The following PCDHA7 variants were observed in gnomAD, a reference collection of about 807,000 sequenced individuals.
PCDHA7 encodes the protein protocadherin alpha 7.
A neutral mutation model predicts 57.2 loss-of-function variants in PCDHA7; 37 were observed. The ratio of observed to expected loss-of-function variants is 0.65; its 90% CI spans 0.50 to 0.85. The LOEUF (loss-of-function observed/expected upper bound fraction) is 0.85, where lower values mean the gene tolerates loss of function less well. PCDHA7 is among the 40% of genes least tolerant of loss of function. The pLI is 0.00. For missense variants in PCDHA7, 1,188 were observed against 1,241.8 expected (o/e 0.96, Z 0.65); for synonymous variants, 553 against 558.8 (o/e 0.99, Z 0.15).
At chr5:140,946,871 A>G (rs952595827) in intron 1 of PCDHA7, among the ~76,000 whole-genome samples, 8 of 151,442 alleles carry the variant, frequency 5.3e-5, no homozygotes, top group Non-Finnish European at 8.9e-5. Flanking sequence ...AGGTTGGTCA[A>G]TGGGTACGAA....
At chr5:140,972,750 G>A (rs2096554223) in intron 1 of PCDHA7, among the ~76,000 whole-genome samples, 2 of 143,042 alleles carry the variant, frequency 1.4e-5, no homozygotes, top group South Asian at 2.2e-4. Context: ...TGCAACCTCC[G>A]CCTCCCAAGT....
chr5:141,008,872 A>C (rs1174901625), intron 3 of PCDHA7, among the ~76,000 whole-genome samples: 1 of 152,140 alleles, frequency 6.6e-6, no homozygotes, highest in Non-Finnish European at 1.5e-5. Context: ...GCTGCATCCC[A>C]CCACCCTTCA....
chr5:140,873,518 A>G (rs2054336624), intron 1 of PCDHA7, among the ~76,000 whole-genome samples: 1 of 152,200 alleles, frequency 6.6e-6, no homozygotes, highest in Non-Finnish European at 1.5e-5. Context: ...CTTAATGCCA[A>G]GATTGCATTC....
At chr5:140,951,395 G>A (rs1036290024) in intron 1 of PCDHA7, among the ~76,000 whole-genome samples, 1 of 152,030 alleles carries the variant, frequency 6.6e-6, no homozygotes, top group African/African-American at 2.4e-5. Flanking sequence ...AATTTATAAA[G>A]AAAAGAGGTT....
intron 1 of PCDHA7, among the ~76,000 whole-genome samples, chr5:140,906,929 C>T (rs1488297059): frequency 3.9e-5 from 6 of 152,122 alleles, no homozygotes; most frequent in African/African-American, 9.7e-5. Flanking sequence ...AAAAGTGTCC[C>T]GGTGTCAATC....
chr5:140,882,877 G>A, intron 1 of PCDHA7: 1 of 1,614,208 alleles, frequency 6.2e-7, no homozygotes, highest in Non-Finnish European at 8.5e-7. Context: ...TGGACAGAGA[G>A]GAAATTCAGG....
Position 140,913,960 on chromosome 5 carries a change from T to TA in PCDHA7, c.2356-64982dup, listed in dbSNP as rs201352444. 7.9e-3 allele frequency among the ~76,000 whole-genome samples: 1,207 copies of TA among 152,282 alleles called. 5 individuals are homozygous for TA. Among genetic ancestry groups the TA allele is most frequent in the African/African-American group, 0.019 (780 of 41,560 alleles). ...AAGAATCTTGATATGATATCATTTT[T>TA]AAAAAAATATTTTAGGACTTGTATT... On this transcript the variant is annotated intron_variant, in intron 1 of 3. Transcript: ENST00000525929.
intron 1 of PCDHA7, chr5:140,876,598 G>T: frequency 6.2e-7 from 1 of 1,614,168 alleles, no homozygotes; most frequent in Non-Finnish European, 8.5e-7. Flanking sequence ...TAGCGTGTCG[G>T]ATCGTGACTC....
At chr5:140,839,335 G>T (rs923438912) in intron 1 of PCDHA7, among the ~76,000 whole-genome samples, 4 of 151,494 alleles carry the variant, frequency 2.6e-5, no homozygotes, top group Non-Finnish European at 4.4e-5. Flanking sequence ...ACCTGAAGTT[G>T]ATAGGGGATC....
chr5:140,848,707 G>GC, intron 1 of PCDHA7: 1 of 1,592,428 alleles, frequency 6.3e-7, no homozygotes, highest in Non-Finnish European at 8.6e-7. Flanking sequence ...TCCAAAGGCC[G>GC]CGGGGACCTT....
chr5:140,855,986 G>C (rs191873949), intron 1 of PCDHA7: 4 of 1,477,690 alleles, frequency 2.7e-6, no homozygotes, highest in Middle Eastern at 1.8e-4. Context: ...GACAGAAAAT[G>C]TCAGATCGTA....
chr5:140,876,699 G>A, intron 1 of PCDHA7: 1 of 1,614,228 alleles, frequency 6.2e-7, no homozygotes, highest in Non-Finnish European at 8.5e-7. Context: ...CGTTGGTGCT[G>A]GACAGCGCCC....
intron 1 of PCDHA7, chr5:140,877,313 C>T (rs2057018817): frequency 6.2e-7 from 1 of 1,613,836 alleles, no homozygotes; most frequent in Non-Finnish European, 8.5e-7. Flanking sequence ...TTGCAACCGG[C>T]GGCGGTCGGC....
intron 1 of PCDHA7, among the ~76,000 whole-genome samples, chr5:140,900,796 A>G (rs1269266602): frequency 1.3e-5 from 2 of 152,188 alleles, no homozygotes; most frequent in Admixed American, 6.5e-5. Flanking sequence ...ACTGTTCTCC[A>G]TAGTGCTTGT....
chr5:140,883,297 A>G (rs782572580), intron 1 of PCDHA7: 2 of 1,614,132 alleles, frequency 1.2e-6, no homozygotes, highest in Non-Finnish European at 1.7e-6. Flanking sequence ...TACTAGATGT[A>G]AATGATAACG....
At chr5:140,981,378 A>G (rs1386165836) in intron 2 of PCDHA7, among the ~76,000 whole-genome samples, 3 of 152,186 alleles carry the variant, frequency 2.0e-5, no homozygotes, top group Non-Finnish European at 4.4e-5. Flanking sequence ...GTTCAAGACC[A>G]GCCTGGTCAA....
intron 1 of PCDHA7, chr5:140,868,929 AG>A: frequency 9.3e-7 from 1 of 1,070,938 alleles, no homozygotes; most frequent in Non-Finnish European, 1.3e-6. Context: ...GTTCATTTAA[AG>A]GTTGGTCTGA....
At chr5:140,879,740 T>C (rs1337276853) in intron 1 of PCDHA7, among the ~76,000 whole-genome samples, 5 of 152,200 alleles carry the variant, frequency 3.3e-5, no homozygotes, top group Admixed American at 1.3e-4. Flanking sequence ...ATCAAGGTGT[T>C]GTCAAGGCTA....
chr5:140,974,146 A>G (rs1208366709), intron 1 of PCDHA7, among the ~76,000 whole-genome samples: 1 of 152,260 alleles, frequency 6.6e-6, no homozygotes, highest in Non-Finnish European at 1.5e-5. Context: ...TGAAAACTAT[A>G]CAAGGGTTTT....
Sources: gnomAD v4.1 joint callset for allele counts (sites outside exome capture counted in the v4.1 genomes callset) on GRCh38, gnomAD v4.1.1 for gene constraint, MANE v1.5 for transcripts, NCBI Gene and HGNC (gene_info 2026-07-23, HGNC 2026-07-21) for gene names.